The following COX10 variants were observed in gnomAD, a reference collection of about 807,000 sequenced individuals.
COX10 encodes the protein protoheme IX farnesyltransferase, mitochondrial.
Under a neutral mutation model 37.3 loss-of-function variants are expected in COX10, and 27 were observed. That is an observed-to-expected ratio of 0.72 (90% CI 0.53 to 1.00). The LOEUF (loss-of-function observed/expected upper bound fraction) is 1.00, where lower values mean the gene tolerates loss of function less well. Among genes scored for constraint, COX10 ranks in the 50% least tolerant of loss-of-function variants. The pLI is 0.00. For missense variants in COX10, 475 were observed against 563.2 expected, an observed-to-expected ratio of 0.84 and a Z score of 1.59; for synonymous variants, 222 against 229.1, an observed-to-expected ratio of 0.97 and a Z score of 0.28.
intron 3 of COX10, among the ~76,000 whole-genome samples, chr17:14,097,856 A>G (rs1343011040): frequency 6.6e-6 from 1 of 152,162 alleles, no homozygotes; most frequent in African/African-American, 2.4e-5. Flanking sequence ...CCCTTGGAGT[A>G]TCCCTGGGGG....
chr17:14,115,885 TG>T (rs1490753225), intron 4 of COX10, among the ~76,000 whole-genome samples: 1 of 152,156 alleles, frequency 6.6e-6, no homozygotes, highest in Non-Finnish European at 1.5e-5. Flanking sequence ...TGACAGGGTT[TG>T]GAAAGGGTGG....
intron 5 of COX10, among the ~76,000 whole-genome samples, chr17:14,185,070 T>C (rs1299599872): frequency 6.6e-6 from 1 of 151,182 alleles, no homozygotes; most frequent in Admixed American, 6.6e-5. Context: ...AGAAACCAGA[T>C]GTCAGAGTAA....
intron 3 of COX10, among the ~76,000 whole-genome samples, chr17:14,097,724 C>T (rs1915680496): frequency 6.6e-6 from 1 of 152,046 alleles, no homozygotes; most frequent in African/African-American, 2.4e-5. Context: ...CTATTATTGA[C>T]AGTTCAGTGA....
chr17:14,082,410 CTGTG>C (rs1228368861), intron 3 of COX10, among the ~76,000 whole-genome samples: 3 of 152,136 alleles, frequency 2.0e-5, no homozygotes. Flanking sequence ...ATAGTGATTG[CTGTG>C]TCTTCTTAGA....
intron 3 of COX10, among the ~76,000 whole-genome samples, chr17:14,100,617 G>T (rs1341334930): frequency 6.6e-6 from 1 of 152,150 alleles, no homozygotes; most frequent in Non-Finnish European, 1.5e-5. Context: ...AAGAATAGAA[G>T]AAGTCTCATG....
chr17:14,113,471 C>T (rs970669818), intron 4 of COX10, among the ~76,000 whole-genome samples: 1 of 152,082 alleles, frequency 6.6e-6, no homozygotes, highest in African/African-American at 2.4e-5. Context: ...GAGCTTTTTT[C>T]TGAAAACGGA....
At chr17:14,136,020 C>T (rs1357213615) in intron 4 of COX10, among the ~76,000 whole-genome samples, 3 of 151,426 alleles carry the variant, frequency 2.0e-5, no homozygotes, top group Non-Finnish European at 2.9e-5. Flanking sequence ...GGATTAGAGA[C>T]GAAGATAGAG....
In COX10 at chr17:14,069,580, G is replaced by C; in HGVS notation, c.-26G>C. On this transcript the variant is annotated 5_prime_UTR_variant, in exon 1 of 7. Coordinates refer to ENST00000261643, the MANE Select transcript of COX10 (RefSeq NM_001303.4). ...TGAGGAGAGAGGACACAGGGATCCC[G>C]GGGAGCGGCCCCAGACTCGTAAATT... 1 of 1,613,626 alleles carries C rather than the reference G, an allele frequency of 6.2e-7. No individual in the cohort carries two copies. Among genetic ancestry groups the C allele is most frequent in the Non-Finnish European group, 8.5e-7 (1 of 1,179,858 alleles).
At chr17:14,176,984 G>T in intron 5 of COX10, 1 of 343,930 alleles carries the variant, frequency 2.9e-6, no homozygotes, top group Non-Finnish European at 5.2e-6. Context: ...CAAATCAAAG[G>T]GGAAAATGTT....
intron 1 of COX10, among the ~76,000 whole-genome samples, chr17:14,071,798 G>T (rs12941246): frequency 0.4 from 60,830 of 150,904 alleles, 12,395 homozygotes; most frequent in East Asian, 0.49. Context: ...TACTTGGGAG[G>T]CTGAGGCAGG....
chr17:14,105,348 CTAAT>C (rs1323961249), intron 4 of COX10, among the ~76,000 whole-genome samples: 1 of 152,138 alleles, frequency 6.6e-6, no homozygotes, highest in Non-Finnish European at 1.5e-5. Context: ...GCACAGATCT[CTAAT>C]TATTTTTAAA....
At chr17:14,113,546 A>G (rs1485031471) in intron 4 of COX10, among the ~76,000 whole-genome samples, 2 of 152,186 alleles carry the variant, frequency 1.3e-5, no homozygotes, top group Non-Finnish European at 2.9e-5. Context: ...AAAGTGAAGC[A>G]TGAACTATCT....
At chr17:14,142,318 T>C (rs1904571201) in intron 4 of COX10, among the ~76,000 whole-genome samples, 1 of 152,234 alleles carries the variant, frequency 6.6e-6, no homozygotes, top group Non-Finnish European at 1.5e-5. Flanking sequence ...ATTTTAAGAA[T>C]TGTGTCTGAG....
intron 4 of COX10, among the ~76,000 whole-genome samples, chr17:14,130,575 A>G (rs1427873716): frequency 1.3e-5 from 2 of 152,100 alleles, no homozygotes; most frequent in African/African-American, 4.8e-5. Flanking sequence ...GGCCTGTACC[A>G]TCTACCCTTA....
intron 5 of COX10, among the ~76,000 whole-genome samples, chr17:14,183,038 TA>T (rs1420104506): frequency 2.0e-5 from 3 of 150,992 alleles, no homozygotes; most frequent in Non-Finnish European, 4.4e-5. Context: ...ATGTTATATT[TA>T]AAAAGGAGAA....
intron 6 of COX10, 148 bp from the exon 7 acceptor site, chr17:14,206,662 C>A: frequency 9.9e-7 from 1 of 1,007,996 alleles, no homozygotes; most frequent in Non-Finnish European, 1.5e-6. Flanking sequence ...TCCCAGCCAC[C>A]CTGTGATGTA....
intron 5 of COX10, chr17:14,181,942 C>G: frequency 1.0e-6 from 1 of 974,240 alleles, no homozygotes; most frequent in Non-Finnish European, 1.2e-6. Context: ...GTACTCCCCT[C>G]TGAATAAGAA....
chr17:14,075,899 G>A (rs1214464159), intron 2 of COX10, among the ~76,000 whole-genome samples: 1 of 150,260 alleles, frequency 6.7e-6, no homozygotes, highest in Non-Finnish European at 1.5e-5. Context: ...GGCTGAGGCA[G>A]GAGAATGGCG....
intron 3 of COX10, among the ~76,000 whole-genome samples, chr17:14,087,662 C>T (rs1171295314): frequency 2.0e-5 from 3 of 151,328 alleles, no homozygotes; most frequent in Non-Finnish European, 2.9e-5. Context: ...GCACAACAAA[C>T]GAGGGAACTT....
Sources: allele counts gnomAD v4.1 joint callset (sites outside exome capture counted in the v4.1 genomes callset), GRCh38; gene constraint gnomAD v4.1.1; transcripts MANE v1.5; gene names NCBI Gene and HGNC (gene_info 2026-07-23, HGNC 2026-07-21).